NCOA7: variants seen among roughly 807,000 people sequenced by gnomAD.
NCOA7 encodes the protein nuclear receptor coactivator 7, also known as 140 kDa estrogen receptor-associated protein.
Under a neutral mutation model 104.3 loss-of-function variants are expected in NCOA7, and 45 were observed. The ratio of observed to expected loss-of-function variants is 0.43; its 90% CI spans 0.34 to 0.55. NCOA7 has a LOEUF of 0.55. Ranked by LOEUF, NCOA7 falls within the 20% of genes least tolerant of loss-of-function variation. The pLI is 0.02. For synonymous variants in NCOA7, 398 were observed against 402.3 expected, an observed-to-expected ratio of 0.99 and a Z score of 0.13; for missense variants, 1,041 against 1,119.7, an observed-to-expected ratio of 0.93 and a Z score of 1.00.
intron 10 of NCOA7, chr6:125,900,145 G>T (rs1247307429): frequency 2.3e-6 from 1 of 428,644 alleles, no homozygotes; most frequent in Non-Finnish European, 5.1e-6. Flanking sequence ...AGGGGCTGTG[G>T]ACCTCTGTAG....
intron 10 of NCOA7, among the ~76,000 whole-genome samples, chr6:125,898,568 T>C (rs938414828): frequency 2.6e-5 from 4 of 152,220 alleles, no homozygotes; most frequent in Non-Finnish European, 4.4e-5. Context: ...TCCTATTCTT[T>C]AGTTCCTCTT....
upstream of NCOA7, among the ~76,000 whole-genome samples, chr6:125,789,852 ACT>A (rs1395152682): frequency 1.3e-5 from 2 of 152,198 alleles, no homozygotes; most frequent in Non-Finnish European, 2.9e-5. Flanking sequence ...CCTGTAACAC[ACT>A]GTTAACAGAG....
At position 125,855,144 on chromosome 6, in the gene NCOA7, G is replaced by T; in HGVS notation, c.175G>T (p.Val59Leu). 6.2e-7 allele frequency: 1 copy of T among 1,613,424 alleles called. No homozygotes were observed. The highest frequency in any genetic ancestry group is 8.5e-7 in the Non-Finnish European group (1 of 1,179,914). Reference protein sequence around the residue: ...VLEPDKCNIAVEEEYMTDEKK... With the variant: ...VLEPDKCNIALEEEYMTDEKK... ...AGAGCCAGACAAGTGCAACATTGCT[G>T]TGGAAGAGGAATATATGACTGATGA... The change falls in exon 3 of 16, where the codon GTG becomes TTG. Residue 59 changes from valine (V) to leucine (L), a missense_variant. Around this residue, in one of 2 missense-constraint regions of NCOA7, gnomAD observed 914 missense variants for 942.7 expected, o/e 0.97. Coordinates refer to ENST00000392477, the MANE Select transcript of NCOA7 (RefSeq NM_181782.5).
chr6:125,850,467 A>T (rs1243074239), intron 2 of NCOA7, among the ~76,000 whole-genome samples: 1 of 152,156 alleles, frequency 6.6e-6, no homozygotes, highest in Non-Finnish European at 1.5e-5. Context: ...TGTGTAGAAA[A>T]GGGAGAAAAA....
intron 2 of NCOA7, among the ~76,000 whole-genome samples, chr6:125,852,841 A>G (rs1237315062): frequency 2.0e-5 from 3 of 152,136 alleles, no homozygotes; most frequent in Non-Finnish European, 4.4e-5. Flanking sequence ...GAAGTTGGGT[A>G]ATGTGATGTC....
intron 10 of NCOA7, among the ~76,000 whole-genome samples, chr6:125,893,029 T>C (rs1583478325): frequency 6.6e-6 from 1 of 152,172 alleles, no homozygotes; most frequent in Non-Finnish European, 1.5e-5. Flanking sequence ...GTAAGAAATA[T>C]TTATTTTTGT....
chr6:125,861,464 T>A (rs6923874), intron 3 of NCOA7, among the ~76,000 whole-genome samples: 3,620 of 152,184 alleles, frequency 0.024, 146 homozygotes, highest in African/African-American at 0.08. Context: ...GTAATGATCG[T>A]CCTGGTACTT....
In NCOA7 at chr6:125,876,097, G is replaced by A. The variant is rs111318333; in HGVS notation, c.351+1129G>A. Reference sequence around the variant, plus strand: ...AATTAAGTACTATTGCCATTGCCTGGTTGTATTTTCCTAATGTGTACTTAT... The same window carrying A: ...AATTAAGTACTATTGCCATTGCCTGATTGTATTTTCCTAATGTGTACTTAT... On this transcript the variant is annotated intron_variant, in intron 4 of 15. Coordinates refer to ENST00000392477, the MANE Select transcript of NCOA7 (RefSeq NM_181782.5). Among the ~76,000 whole-genome samples the A allele has an allele frequency of 4.7e-3, 719 of 152,258 alleles. 2 individuals are homozygous for A. The highest frequency in any genetic ancestry group is 0.016 in the African/African-American group (676 of 41,532).
intron 1 of NCOA7, among the ~76,000 whole-genome samples, chr6:125,792,795 A>G (rs1774979927): frequency 1.3e-5 from 2 of 152,040 alleles, no homozygotes; most frequent in Non-Finnish European, 2.9e-5. Flanking sequence ...AAAAAGAAAA[A>G]CAAGGTTAAC....
intron 2 of NCOA7, among the ~76,000 whole-genome samples, chr6:125,827,767 G>T (rs951305591): frequency 1.3e-5 from 2 of 152,172 alleles, no homozygotes; most frequent in Non-Finnish European, 2.9e-5. Context: ...CAGCTTCCTG[G>T]ATCTGCAAGA....
chr6:125,921,379 C>T (rs1236245742), intron 12 of NCOA7, among the ~76,000 whole-genome samples: 1 of 151,854 alleles, frequency 6.6e-6, no homozygotes. Context: ...CACTGCATTC[C>T]AGCCTGCGCA....
At chr6:125,858,572 A>C (rs1781783603) in intron 3 of NCOA7, among the ~76,000 whole-genome samples, 1 of 151,834 alleles carries the variant, frequency 6.6e-6, no homozygotes, top group African/African-American at 2.4e-5. Context: ...AGGAGTTGGA[A>C]GGTGCACAAA....
At chr6:125,874,193 C>T (rs1286149126) in intron 3 of NCOA7, among the ~76,000 whole-genome samples, 5 of 152,088 alleles carry the variant, frequency 3.3e-5, no homozygotes, top group South Asian at 2.1e-4. Flanking sequence ...GACATGGTGG[C>T]GCACACCTGT....
chr6:125,810,298 C>T (rs1776862289), intron 1 of NCOA7: 1 of 152,152 alleles, frequency 6.6e-6, no homozygotes, highest in Non-Finnish European at 1.5e-5. Flanking sequence ...ACAAGGAACA[C>T]TTTTCTGATG....
At chr6:125,905,458 C>T (rs1785910995) in intron 10 of NCOA7, among the ~76,000 whole-genome samples, 2 of 152,100 alleles carry the variant, frequency 1.3e-5, no homozygotes, top group African/African-American at 4.8e-5. Flanking sequence ...GATGGGGTTT[C>T]ACCATGTTGG....
At chr6:125,892,943 G>T (rs1330066428) in intron 10 of NCOA7, among the ~76,000 whole-genome samples, 1 of 152,142 alleles carries the variant, frequency 6.6e-6, no homozygotes, top group Admixed American at 6.5e-5. Flanking sequence ...TACCTCCCCT[G>T]AAGGGACCTA....
At position 125,815,292 on chromosome 6, in the gene NCOA7, G is replaced by T. The variant is rs370144558; in HGVS notation, c.-63G>T. On this transcript the variant is annotated splice_region_variant and 5_prime_UTR_variant, in exon 2 of 16. Transcript: ENST00000392477. Reference sequence around the variant, plus strand: ...TTGCTTTGTTATCTTTTCTTACAGGGTTACGACTCACTGATTAAAAAGAGG... The same window carrying T: ...TTGCTTTGTTATCTTTTCTTACAGGTTTACGACTCACTGATTAAAAAGAGG... 1.6e-5 allele frequency: 21 copies of T among 1,290,300 alleles called. No individual in the cohort carries two copies. The African/African-American group carries it at 2.5e-4, about 15-fold the overall frequency. The allele number at this position is 1,290,300 out of a possible 1,614,324, so 79.9% of individuals were successfully genotyped here.
At position 125,877,620 on chromosome 6, in the gene NCOA7, G is replaced by A. The variant is rs1783489564; in HGVS notation, c.352-643G>A. Among the ~76,000 whole-genome samples, 3 of 152,082 alleles carry A rather than the reference G, an allele frequency of 2.0e-5. No individual in the cohort carries two copies. The South Asian group carries it at 6.2e-4, about 32-fold the overall frequency. On this transcript the variant is annotated intron_variant, in intron 4 of 15. Transcript: ENST00000392477. The stretch of plus-strand genomic sequence containing the variant: ...CAGAAGGAAAGAAAAGTGTACACCT[G>A]GGACATATGTCACAAGTTTTACAGA...
intron 1 of NCOA7, among the ~76,000 whole-genome samples, chr6:125,801,762 A>G (rs1253507806): frequency 2.0e-5 from 3 of 152,212 alleles, no homozygotes; most frequent in South Asian, 4.1e-4. Context: ...CTATCACTAC[A>G]TGGCCATCTT....
Sources: gnomAD v4.1 joint callset for allele counts (sites outside exome capture counted in the v4.1 genomes callset) on GRCh38, gnomAD v4.1.1 for gene constraint, gnomAD v4.1.1 regional missense constraint, MANE v1.5 for transcripts, NCBI Gene and HGNC (gene_info 2026-07-23, HGNC 2026-07-21) for gene names.